STRIP2: variants seen among roughly 807,000 people sequenced by gnomAD.
STRIP2 encodes the protein striatin-interacting protein 2.
A neutral mutation model predicts 107.1 loss-of-function variants in STRIP2; 84 were observed. The ratio of observed to expected loss-of-function variants is 0.78; its 90% confidence interval spans 0.66 to 0.94. The LOEUF (loss-of-function observed/expected upper bound fraction) is 0.94, where lower values mean the gene tolerates loss of function less well. STRIP2 is among the 40% of genes least tolerant of loss of function. STRIP2 has a pLI of 0.00. For synonymous variants in STRIP2, 394 were observed against 400.4 expected, an observed-to-expected ratio of 0.98 and a Z score of 0.19; for missense variants, 888 against 1,034.2, an observed-to-expected ratio of 0.86 and a Z score of 1.94.
Position 129,462,991 on chromosome 7 carries a change from C to T in STRIP2, c.1502C>T (p.Pro501Leu). ...SLGEEVVPETPCEILYQGMLY... is the reference protein window; with the variant it reads ...SLGEEVVPETLCEILYQGMLY... ...GGGGAAGAGGTGGTACCAGAGACGCCATGTGAAATCCTCTACCAGGGAATG... is the reference window on the plus strand; with the variant it reads ...GGGGAAGAGGTGGTACCAGAGACGCTATGTGAAATCCTCTACCAGGGAATG... The change falls in exon 14 of 21, where the codon CCA becomes CTA. Residue 501 changes from proline to leucine, a missense_variant. Physicochemically the swap from Pro to Leu is moderately conservative, Grantham distance 98. Transcript: ENST00000249344. The T allele has an allele frequency of 1.2e-6, 2 of 1,614,042 alleles. No homozygotes were observed. Among genetic ancestry groups the T allele is most frequent in the Non-Finnish European group, 1.7e-6 (2 of 1,179,944 alleles).
chr7:129,482,757 C>T, intron 19 of STRIP2, 85 bp from the exon 20 acceptor site: 3 of 1,499,374 alleles, frequency 2.0e-6, no homozygotes, highest in Non-Finnish European at 2.7e-6. Flanking sequence ...ATTTCTGAGG[C>T]TAGCTAGGTT....
At chr7:129,476,555 G>A (rs1239672435) in intron 18 of STRIP2, among the ~76,000 whole-genome samples, 11 of 151,500 alleles carry the variant, frequency 7.3e-5, no homozygotes, top group African/African-American at 1.7e-4. Context: ...CGGCCGGGCA[G>A]AGGCACTCCT....
At chr7:129,464,781 C>T (rs1360765272) in intron 16 of STRIP2, 43 bp downstream of exon 16, 3 of 1,612,706 alleles carry the variant, frequency 1.9e-6, no homozygotes, top group Admixed American at 3.3e-5. Context: ...TGGGTGTTTG[C>T]CAGGCCCTAT....
intron 18 of STRIP2, among the ~76,000 whole-genome samples, chr7:129,478,755 C>A (rs1477764093): frequency 1.3e-5 from 2 of 152,102 alleles, no homozygotes; most frequent in Non-Finnish European, 2.9e-5. Flanking sequence ...AAATGATTTA[C>A]CTAAGATCAT....
chr7:129,476,472 C>T (rs1453969530), intron 18 of STRIP2, among the ~76,000 whole-genome samples: 5 of 143,124 alleles, frequency 3.5e-5, no homozygotes, highest in Non-Finnish European at 6.2e-5. Context: ...GGGCGGCTGC[C>T]GGGCGGAGGG....
chr7:129,451,885 G>A, intron 4 of STRIP2, 138 bp downstream of exon 4: 1 of 997,398 alleles, frequency 1.0e-6, no homozygotes, highest in Non-Finnish European at 1.5e-6. Flanking sequence ...TCATGTGCTA[G>A]GAGTAACCTG....
chr7:129,481,910 G>A (rs552033049), intron 19 of STRIP2, among the ~76,000 whole-genome samples: 2 of 152,216 alleles, frequency 1.3e-5, no homozygotes, highest in East Asian at 1.9e-4. Context: ...GCCCACACCT[G>A]TAATTCCAGC....
In STRIP2 at chr7:129,458,286, C is replaced by A. The variant is rs1798423154; in HGVS notation, c.1110C>A (p.Ala370=). The A allele has an allele frequency of 6.2e-7, 1 of 1,614,172 alleles. No individual in the cohort carries two copies. The highest frequency in any genetic ancestry group is 1.7e-5 in the Admixed American group (1 of 60,020). Reference sequence around the variant, plus strand: ...ATCTCTTCAAGACTGAGGAGCCCGCCACAGAGGAGGAAGAGGAGTCTGCTG... The same window carrying A: ...ATCTCTTCAAGACTGAGGAGCCCGCAACAGAGGAGGAAGAGGAGTCTGCTG... ...ERDLFKTEEP[A]TEEEEESAGD... is the part of the protein sequence containing the mutation. The change falls in exon 10 of 21, where the codon GCC becomes GCA. Residue 370 remains alanine, a synonymous_variant. Coordinates refer to ENST00000249344, the MANE Select transcript of STRIP2 (RefSeq NM_020704.3). This position sits in a 1 kb window ranked among gnomAD's most constrained non-coding sequence, Gnocchi z 4.6.
chr7:129,456,304 A>G (rs1249729069), intron 8 of STRIP2, 135 bp from the exon 9 acceptor site: 6 of 703,294 alleles, frequency 8.5e-6, no homozygotes, highest in Non-Finnish European at 9.5e-6. Context: ...ATGTTTTACT[A>G]CCTCCTTATT....
chr7:129,483,152 G>A lies in STRIP2; in HGVS notation c.2254+106G>A. 2 of 1,477,398 alleles carry A rather than the reference G, an allele frequency of 1.4e-6. No individual in the cohort carries two copies. Among genetic ancestry groups the A allele is most frequent in the East Asian group, 2.5e-5 (1 of 40,576 alleles). The allele number at this position is 1,477,398 out of a possible 1,614,324, so 91.5% of individuals were successfully genotyped here. A position where few individuals can be genotyped will look rare whatever the true frequency, so the allele number is the denominator to read the frequency against. ...TTGGCATGAATTGTTACATATTTTA[G>A]ATGAAAAAATATGTGATTATAGGTC... On this transcript the variant is annotated intron_variant, in intron 20 of 20. Transcript: ENST00000249344. The surrounding 1 kb of genome is among the most constrained non-coding windows in gnomAD (Gnocchi z 5.1).
At chr7:129,456,723 A>G in intron 9 of STRIP2, 81 bp downstream of exon 9, 2 of 1,321,758 alleles carry the variant, frequency 1.5e-6, no homozygotes, top group Non-Finnish European at 2.1e-6. Flanking sequence ...GTGTGGTAGG[A>G]AAAAGCAGTA....
Position 129,451,606 on chromosome 7 carries a change from T to A in STRIP2, c.275-7T>A, listed in dbSNP as rs1798194581. The A allele has an allele frequency of 6.2e-7, 1 of 1,614,018 alleles. No homozygotes were observed. Among genetic ancestry groups the A allele is most frequent in the South Asian group, 1.1e-5 (1 of 91,052 alleles). On this transcript the variant is annotated splice_polypyrimidine_tract_variant and splice_region_variant and intron_variant, in intron 3 of 20. Coordinates refer to ENST00000249344, the MANE Select transcript of STRIP2 (RefSeq NM_020704.3). ...GACACTGGATGTATATGGCCTTTTA[T>A]TCCCAGTGCAGGGCAAGGAATGGCT...
chr7:129,455,248 C>T lies in STRIP2; in HGVS notation c.711C>T (p.Phe237=). The change falls in exon 8 of 21, where the codon TTC becomes TTT. Residue 237 remains phenylalanine, a synonymous_variant. Transcript: ENST00000249344. Reference sequence around the variant, plus strand: ...CCCCTCTCTCCTCACCCCTAGGCTTCTCCATGCATAATGAGGAGCCTTTTG... The same window carrying T: ...CCCCTCTCTCCTCACCCCTAGGCTTTTCCATGCATAATGAGGAGCCTTTTG... ...ARETFRTELS[F]SMHNEEPFAL... is the part of the protein sequence containing the mutation. 3 of 1,613,102 alleles carry T rather than the reference C, an allele frequency of 1.9e-6. No homozygotes were observed. The highest frequency in any genetic ancestry group is 1.1e-5 in the South Asian group (1 of 90,848).
At chr7:129,464,266 C>A in intron 15 of STRIP2, 125 bp downstream of exon 15, 1 of 752,944 alleles carries the variant, frequency 1.3e-6, no homozygotes, top group Non-Finnish European at 2.2e-6. Flanking sequence ...CGTCTCTGCC[C>A]ACCAGTACCC....
chr7:129,480,662 G>A (rs1303062402), intron 18 of STRIP2, 123 bp from the exon 19 acceptor site: 1 of 722,412 alleles, frequency 1.4e-6, no homozygotes, highest in Non-Finnish European at 2.3e-6. Context: ...GAAACAGGAA[G>A]GTGAGGAGGT....
At chr7:129,482,377 A>ATTT (rs869099836) in intron 19 of STRIP2, among the ~76,000 whole-genome samples, 160 of 68,990 alleles carry the variant, frequency 2.3e-3, no homozygotes, top group Non-Finnish European at 2.9e-3. Flanking sequence ...ATATATATAT[A>ATTT]TTTTTTTTTT....
At chr7:129,485,419 A>G (rs531694435) in intron 20 of STRIP2, among the ~76,000 whole-genome samples, 160 bp from the exon 21 acceptor site, 1 of 147,812 alleles carries the variant, frequency 6.8e-6, no homozygotes, top group East Asian at 2.0e-4. Flanking sequence ...CCTAAGTGTC[A>G]GCATGCTGTA....
intron 18 of STRIP2, among the ~76,000 whole-genome samples, chr7:129,476,722 C>A (rs769114833): frequency 4.4e-4 from 67 of 151,638 alleles, no homozygotes; most frequent in Non-Finnish European, 8.4e-4. Flanking sequence ...CTCCTTGCAT[C>A]CCAGACGATG....
chr7:129,453,394 T>G, intron 5 of STRIP2, 47 bp downstream of exon 5: 1 of 1,609,362 alleles, frequency 6.2e-7, no homozygotes, highest in Non-Finnish European at 8.5e-7. Context: ...CCCCATTCCT[T>G]AAAGGGGCCT....
Sources: allele counts gnomAD v4.1 joint callset (sites outside exome capture counted in the v4.1 genomes callset), GRCh38; gene constraint gnomAD v4.1.1; non-coding constraint Gnocchi (gnomAD v3.1); transcripts MANE v1.5; gene names NCBI Gene and HGNC (gene_info 2026-07-23, HGNC 2026-07-21).